DLG1: variants seen among roughly 807,000 people sequenced by gnomAD.
DLG1 encodes the protein disks large homolog 1.
A neutral mutation model predicts 123.4 loss-of-function variants in DLG1; 42 were observed. That is an observed-to-expected ratio of 0.34 (90% CI 0.27 to 0.44). DLG1 has a LOEUF of 0.44. DLG1 is among the 20% of genes least tolerant of loss of function. The pLI, the probability that DLG1 is intolerant of heterozygous loss-of-function variation, is 1.00. For synonymous variants in DLG1, 317 were observed against 356.2 expected, an observed-to-expected ratio of 0.89 and a Z score of 1.24; for missense variants, 942 against 1,082.6, an observed-to-expected ratio of 0.87 and a Z score of 1.82.
chr3:197,196,644 CT>C (rs1250799981), intron 4 of DLG1, among the ~76,000 whole-genome samples: 1 of 152,164 alleles, frequency 6.6e-6, no homozygotes, highest in Non-Finnish European at 1.5e-5. Context: ...AATAAACTGC[CT>C]ATCAATCAAC....
chr3:197,292,884 A>C (rs1054739009), intron 3 of DLG1, among the ~76,000 whole-genome samples: 1 of 152,216 alleles, frequency 6.6e-6, no homozygotes, highest in African/African-American at 2.4e-5. Flanking sequence ...TTTCTCATGC[A>C]CAAGGAAAGC....
At chr3:197,265,456 G>A (rs1386923523) in intron 4 of DLG1, among the ~76,000 whole-genome samples, 2 of 152,172 alleles carry the variant, frequency 1.3e-5, no homozygotes, top group African/African-American at 2.4e-5. Context: ...AAACCCAGCA[G>A]CCTTAAGTTG....
At chr3:197,109,594 CTCTT>C (rs1485986355) in intron 13 of DLG1, among the ~76,000 whole-genome samples, 1 of 152,164 alleles carries the variant, frequency 6.6e-6, no homozygotes, top group African/African-American at 2.4e-5. Context: ...TTTACTTAGG[CTCTT>C]TATTTCTTCA....
intron 5 of DLG1, among the ~76,000 whole-genome samples, chr3:197,154,595 A>G (rs1423956737): frequency 6.6e-6 from 1 of 151,988 alleles, no homozygotes; most frequent in Non-Finnish European, 1.5e-5. Context: ...GAATGGCGTG[A>G]ACCCGGGAGG....
At position 197,140,346 on chromosome 3, in the gene DLG1, T is replaced by G. The variant is rs992175784; in HGVS notation, c.589-82A>C. Reference sequence around the variant, plus strand: ...TCCTGTCATTAAAGGACGCAGAAACTGTACTAACATAAGGAACACAACAAA... The same window carrying G: ...TCCTGTCATTAAAGGACGCAGAAACGGTACTAACATAAGGAACACAACAAA... On this transcript the variant is annotated intron_variant, in intron 7 of 24. Coordinates refer to ENST00000667157, the MANE Select transcript of DLG1 (RefSeq NM_001366207.1). 7 of 1,388,638 alleles carry G rather than the reference T, an allele frequency of 5.0e-6. No homozygotes were observed. In the African/African-American group the frequency reaches 7.2e-5, roughly 14 times the overall value. 86.0% of individuals were successfully genotyped at this position (1,388,638 alleles called of 1,614,324 possible). A position where few individuals can be genotyped will look rare whatever the true frequency, so the allele number is the denominator to read the frequency against.
chr3:197,144,513 CTGT>C lies in DLG1; in HGVS notation c.538-1748_538-1746del, dbSNP rs1220107701. On this transcript the variant is annotated intron_variant, in intron 6 of 24. Transcript: ENST00000667157. ...CCAATTCATTATGAGAAAAAATGAA[CTGT>C]TGTTCTTTTAAGCCCCTAAGCTTCA... Among the ~76,000 whole-genome samples the C allele has an allele frequency of 5.9e-5, 9 of 152,294 alleles. No homozygotes were observed. In the East Asian group the frequency reaches 9.6e-4, roughly 16 times the overall value.
At chr3:197,178,877 A>G (rs1024323925) in intron 5 of DLG1, among the ~76,000 whole-genome samples, 1 of 152,144 alleles carries the variant, frequency 6.6e-6, no homozygotes, top group Non-Finnish European at 1.5e-5. Context: ...TTAATGAAAG[A>G]TATTATAGCA....
intron 4 of DLG1, among the ~76,000 whole-genome samples, chr3:197,263,595 T>C (rs1760438266): frequency 6.6e-6 from 1 of 152,128 alleles, no homozygotes; most frequent in African/African-American, 2.4e-5. Context: ...GAGACCAGCC[T>C]GGCCAACATG....
chr3:197,051,770 G>T (rs914940691), intron 23 of DLG1, 102 bp from the exon 24 acceptor site: 5 of 731,686 alleles, frequency 6.8e-6, no homozygotes, highest in African/African-American at 3.7e-5. Context: ...ATCATGAAAA[G>T]TTGAACTCTG....
chr3:197,165,591 A>C (rs772182039), intron 5 of DLG1, among the ~76,000 whole-genome samples: 24 of 152,212 alleles, frequency 1.6e-4, no homozygotes, highest in Non-Finnish European at 3.5e-4. Context: ...TCCAATCACC[A>C]TTTATATATT....
At chr3:197,290,067 G>A (rs1315774937) in intron 3 of DLG1, among the ~76,000 whole-genome samples, 1 of 152,054 alleles carries the variant, frequency 6.6e-6, no homozygotes, top group Admixed American at 6.6e-5. Context: ...AAAAAATGAT[G>A]AGGGCATCTC....
In DLG1 at chr3:197,069,209, A is replaced by G. The variant is rs201450090; in HGVS notation, c.2047+10T>C. On this transcript the variant is annotated intron_variant, in intron 19 of 24. Transcript: ENST00000667157. ...AGATTACAAAAGAACAAGTAACTTA[A>G]AACACTTACGGTAACTACTTTCACT... 1.6e-3 allele frequency: 2,485 copies of G among 1,580,336 alleles called. 3 individuals are homozygous for G. Among genetic ancestry groups the G allele is most frequent in the South Asian group, 2.3e-3 (195 of 85,904 alleles).
At chr3:197,144,805 TTA>T (rs1393958523) in intron 6 of DLG1, among the ~76,000 whole-genome samples, 2 of 152,118 alleles carry the variant, frequency 1.3e-5, no homozygotes, top group South Asian at 2.1e-4. Context: ...CTCTTAGAGA[TTA>T]TATGTTATAA....
intron 13 of DLG1, among the ~76,000 whole-genome samples, chr3:197,109,361 G>A (rs566614316): frequency 1.4e-4 from 22 of 152,302 alleles, no homozygotes; most frequent in Admixed American, 1.4e-3. Flanking sequence ...GTGAGATGCT[G>A]CCTCTAAAAA....
At chr3:197,286,918 G>A (rs1344757738) in intron 3 of DLG1, among the ~76,000 whole-genome samples, 3 of 150,904 alleles carry the variant, frequency 2.0e-5, no homozygotes, top group African/African-American at 4.9e-5. Flanking sequence ...AAGAGACAGA[G>A]TCTCACTCTG....
At chr3:197,183,663 T>A in intron 5 of DLG1, 1 of 1,550,628 alleles carries the variant, frequency 6.4e-7, no homozygotes, top group Middle Eastern at 1.7e-4. Context: ...GCGTGAAGGT[T>A]CTGGCTCAGC....
chr3:197,184,114 G>T, intron 5 of DLG1: 1 of 1,126,842 alleles, frequency 8.9e-7, no homozygotes, highest in Non-Finnish European at 1.1e-6. Flanking sequence ...ACCAAAAGCT[G>T]TTCTTTTGTT....
intron 4 of DLG1, among the ~76,000 whole-genome samples, chr3:197,246,243 T>C (rs1373826016): frequency 6.6e-6 from 1 of 152,136 alleles, no homozygotes; most frequent in Non-Finnish European, 1.5e-5. Flanking sequence ...TATGAATAGC[T>C]GTTGTCTTGT....
At chr3:197,066,835 T>C in intron 19 of DLG1, 81 bp from the exon 20 acceptor site, 1 of 859,388 alleles carries the variant, frequency 1.2e-6, no homozygotes, top group Non-Finnish European at 1.8e-6. Context: ...AACATATACA[T>C]TACTAGAACT....
Sources: allele counts gnomAD v4.1 joint callset (sites outside exome capture counted in the v4.1 genomes callset), GRCh38; gene constraint gnomAD v4.1.1; transcripts MANE v1.5; gene names NCBI Gene and HGNC (gene_info 2026-07-23, HGNC 2026-07-21).